The following CDH13 variants were observed in gnomAD, a reference collection of about 807,000 sequenced individuals.
The protein encoded by CDH13 is cadherin-13.
In CDH13, 24 loss-of-function variants were observed where a neutral mutation model predicts 63.8. The observed-to-expected ratio is 0.38, with a 90% CI of 0.27 to 0.53. The LOEUF (loss-of-function observed/expected upper bound fraction) is 0.53, where lower values mean the gene tolerates loss of function less well. CDH13 is among the 20% of genes least tolerant of loss of function. The pLI, the probability that CDH13 is intolerant of heterozygous loss-of-function variation, is 0.85. For missense variants in CDH13, 1,049 were observed against 903.1 expected, an observed-to-expected ratio of 1.16 and a Z score of -2.07; for synonymous variants, 503 against 355.3, an observed-to-expected ratio of 1.42 and a Z score of -4.67.
chr16:83,344,639 G>A (rs533622879), intron 5 of CDH13, among the ~76,000 whole-genome samples: 1 of 152,114 alleles, frequency 6.6e-6, no homozygotes, highest in African/African-American at 2.4e-5. Flanking sequence ...TGAATTAATT[G>A]TAAATTTCCC....
chr16:83,195,291 A>T (rs540760838), intron 4 of CDH13, among the ~76,000 whole-genome samples: 1 of 152,232 alleles, frequency 6.6e-6, no homozygotes, highest in Non-Finnish European at 1.5e-5. Context: ...TATGTGTATT[A>T]TAGTCTGTTC....
At chr16:82,909,002 G>T (rs1009937122) in intron 2 of CDH13, among the ~76,000 whole-genome samples, 3 of 152,224 alleles carry the variant, frequency 2.0e-5, no homozygotes, top group African/African-American at 2.4e-5. Context: ...ATGGGTCAGG[G>T]TATATATGTG....
In CDH13 at chr16:83,345,343, C is replaced by G. The variant is rs115275691; in HGVS notation, c.781+337C>G. 3.4e-3 allele frequency among the ~76,000 whole-genome samples: 525 copies of G among 152,318 alleles called. 2 individuals are homozygous for G. The highest frequency in any genetic ancestry group is 0.012 in the African/African-American group (494 of 41,562). Reference sequence around the variant, plus strand: ...GGCTAAACTTTGTGCTATAGCAGGGCTTTGATGAGAATTGGGTCCCCATTA... The same window carrying G: ...GGCTAAACTTTGTGCTATAGCAGGGGTTTGATGAGAATTGGGTCCCCATTA... On this transcript the variant is annotated intron_variant, in intron 6 of 13. Transcript: ENST00000567109.
chr16:83,528,843 C>A (rs1249084301), intron 7 of CDH13, among the ~76,000 whole-genome samples: 1 of 152,170 alleles, frequency 6.6e-6, no homozygotes, highest in African/African-American at 2.4e-5. Context: ...CCAGTCTCCC[C>A]ATGCCTTTTT....
At chr16:82,829,548 C>A (rs1244257138) in intron 1 of CDH13, 1 of 152,020 alleles carries the variant, frequency 6.6e-6, no homozygotes, top group Non-Finnish European at 1.5e-5. Context: ...CAGAGAAAAT[C>A]AGCAAGAAGA....
chr16:82,778,213 C>A (rs2035586737), intron 1 of CDH13, among the ~76,000 whole-genome samples: 1 of 152,142 alleles, frequency 6.6e-6, no homozygotes, highest in Non-Finnish European at 1.5e-5. Context: ...CCAGAAAAAT[C>A]TCTTTTGTCT....
chr16:83,178,934 C>T (rs34421693), intron 4 of CDH13, among the ~76,000 whole-genome samples: 28,321 of 152,128 alleles, frequency 0.19, 3,850 homozygotes, highest in African/African-American at 0.39. Context: ...GCAGTTAATT[C>T]CTGGAACAGT....
intron 6 of CDH13, among the ~76,000 whole-genome samples, chr16:83,370,408 C>T (rs2091344241): frequency 6.6e-6 from 1 of 150,986 alleles, no homozygotes; most frequent in Non-Finnish European, 1.5e-5. Flanking sequence ...AAAAAAACTT[C>T]CATATTTTCA....
chr16:83,081,352 C>T (rs371122339), intron 3 of CDH13, among the ~76,000 whole-genome samples: 42 of 152,184 alleles, frequency 2.8e-4, no homozygotes, highest in South Asian at 4.1e-4. Flanking sequence ...CAGTTGAAGA[C>T]GGGCATTGAA....
intron 5 of CDH13, among the ~76,000 whole-genome samples, chr16:83,290,793 C>G (rs749507485): frequency 5.9e-5 from 9 of 152,120 alleles, no homozygotes; most frequent in African/African-American, 9.7e-5. Flanking sequence ...TGCACGTGCA[C>G]TTTTTTTCTT....
At chr16:83,598,832 C>G (rs1360870390) in intron 7 of CDH13, among the ~76,000 whole-genome samples, 1 of 152,188 alleles carries the variant, frequency 6.6e-6, no homozygotes, top group East Asian at 1.9e-4. Context: ...CCACTACTAG[C>G]TCCAGATGGA....
In CDH13 at chr16:82,896,276, A is replaced by ATTTTTT. The variant is rs59677448; in HGVS notation, c.157+37831_157+37836dup. On this transcript the variant is annotated intron_variant, in intron 2 of 13. Transcript: ENST00000567109. ...GAGTCTTCTGAGAACTAGGATTAGG[A>ATTTTTT]TTTTTTTTTTTTTTTTTTTTTTTTT... 9.6e-4 allele frequency among the ~76,000 whole-genome samples: 84 copies of ATTTTTT among 87,846 alleles called. 10 individuals are homozygous for ATTTTTT. The highest frequency in any genetic ancestry group is 4.2e-3 in the East Asian group (6 of 1,430). The allele number at this position is 87,846 out of a possible 152,430, so 57.6% of individuals were successfully genotyped here. A position where few individuals can be genotyped will look rare whatever the true frequency, so the allele number is the denominator to read the frequency against.
intron 9 of CDH13, among the ~76,000 whole-genome samples, chr16:83,677,584 A>G (rs980770993): frequency 2.6e-5 from 4 of 152,128 alleles, no homozygotes; most frequent in African/African-American, 9.7e-5. Flanking sequence ...ATCATACTCT[A>G]CTAGAAACCA....
At chr16:83,577,202 G>A (rs1167674906) in intron 7 of CDH13, among the ~76,000 whole-genome samples, 2 of 152,126 alleles carry the variant, frequency 1.3e-5, no homozygotes, top group Non-Finnish European at 2.9e-5. Context: ...TGTGAATAAT[G>A]GATGTCTTCA....
chr16:82,836,924 T>C (rs1267076394), intron 1 of CDH13, among the ~76,000 whole-genome samples: 4 of 152,232 alleles, frequency 2.6e-5, no homozygotes, highest in African/African-American at 7.2e-5. Flanking sequence ...TTTATCACCC[T>C]TGAAGAATCT....
chr16:82,977,345 A>G (rs899242715), intron 2 of CDH13, among the ~76,000 whole-genome samples: 2 of 152,172 alleles, frequency 1.3e-5, no homozygotes, highest in African/African-American at 4.8e-5. Flanking sequence ...TACCATCAGC[A>G]TTAAGTCACC....
In CDH13 at chr16:83,133,697, C is replaced by T. The variant is rs143905922; in HGVS notation, c.483+8196C>T. ...TATTTTTGGTAGAGATGGGGGTTCA[C>T]CATATTGGTCAGGCTGGTCTCAAAC... On this transcript the variant is annotated intron_variant, in intron 4 of 13. Transcript: ENST00000567109. 3.7e-3 allele frequency among the ~76,000 whole-genome samples: 567 copies of T among 152,260 alleles called. 4 individuals are homozygous for T. Among genetic ancestry groups the T allele is most frequent in the African/African-American group, 0.013 (550 of 41,554 alleles).
intron 6 of CDH13, among the ~76,000 whole-genome samples, chr16:83,439,498 G>A (rs888623746): frequency 1.3e-5 from 2 of 152,204 alleles, no homozygotes; most frequent in Non-Finnish European, 2.9e-5. Flanking sequence ...TCTCTGAATT[G>A]GTTGCTATTC....
chr16:82,909,841 A>G (rs2041772669), intron 2 of CDH13, among the ~76,000 whole-genome samples: 2 of 152,214 alleles, frequency 1.3e-5, no homozygotes, highest in Non-Finnish European at 2.9e-5. Context: ...TATCATGTAT[A>G]GATGAGAAAA....
Sources: gnomAD v4.1 joint callset for allele counts (sites outside exome capture counted in the v4.1 genomes callset) on GRCh38, gnomAD v4.1.1 for gene constraint, MANE v1.5 for transcripts, NCBI Gene and HGNC (gene_info 2026-07-23, HGNC 2026-07-21) for gene names.